The following ZNF131 variants were observed in gnomAD, a reference collection of about 807,000 sequenced individuals.
ZNF131 encodes zinc finger protein 131.
A neutral mutation model predicts 60.0 loss-of-function variants in ZNF131; 7 were observed. The ratio of observed to expected loss-of-function variants is 0.12; its 90% CI spans 0.07 to 0.22. The LOEUF is 0.22. ZNF131 is among the 10% of genes least tolerant of loss of function. The pLI, the probability that ZNF131 is intolerant of heterozygous loss-of-function variation, is 1.00. For synonymous variants in ZNF131, 257 were observed against 253.2 expected (o/e 1.01, Z -0.14); for missense variants, 493 against 740.9 (o/e 0.67, Z 3.88).
chr5:43,164,171 C>G (rs530676804), intron 5 of ZNF131, among the ~76,000 whole-genome samples: 1 of 152,282 alleles, frequency 6.6e-6, no homozygotes, highest in South Asian at 2.1e-4. Context: ...CACTTACATG[C>G]AGATTTCATT....
At position 43,121,023 on chromosome 5, in the gene ZNF131, G is replaced by A. The variant is rs900775391; in HGVS notation, c.-116G>A. Reference sequence around the variant, plus strand: ...AAAATGGAGGGCGACCCACGGGTTAGGGGTCAGGAAAGGCGTGGGGCGCAT... The same window carrying A: ...AAAATGGAGGGCGACCCACGGGTTAAGGGTCAGGAAAGGCGTGGGGCGCAT... On this transcript the variant is annotated 5_prime_UTR_variant, in exon 1 of 7. Transcript: ENST00000682664. 1 of 152,394 alleles carries A rather than the reference G, an allele frequency of 6.6e-6. No individual in the cohort carries two copies. Among genetic ancestry groups the A allele is most frequent in the African/African-American group, 2.4e-5 (1 of 41,478 alleles). The allele number at this position is 152,394 out of a possible 1,614,324, so 9.4% of individuals were successfully genotyped here. A position where few individuals can be genotyped will look rare whatever the true frequency, so the allele number is the denominator to read the frequency against.
intron 3 of ZNF131, among the ~76,000 whole-genome samples, chr5:43,129,888 C>T (rs1745074458): frequency 6.6e-6 from 1 of 151,858 alleles, no homozygotes; most frequent in Non-Finnish European, 1.5e-5. Flanking sequence ...AAACTCCTGA[C>T]CTCGTGATCT....
intron 1 of ZNF131, chr5:43,121,748 T>G (rs918344835): frequency 2.0e-5 from 4 of 203,976 alleles, no homozygotes; most frequent in East Asian, 1.2e-4. Context: ...CCCTCCCTTG[T>G]TGGACTTGCG....
chr5:43,129,802 G>T (rs1005102628), intron 3 of ZNF131, among the ~76,000 whole-genome samples: 2 of 152,026 alleles, frequency 1.3e-5, no homozygotes, highest in Non-Finnish European at 2.9e-5. Context: ...TTACAGGTGC[G>T]TGCCACCACG....
chr5:43,140,909 G>A (rs560835507), intron 4 of ZNF131, among the ~76,000 whole-genome samples: 1 of 152,014 alleles, frequency 6.6e-6, no homozygotes, highest in South Asian at 2.1e-4. Context: ...GTAGAGGTGG[G>A]GATTTCGCCA....
chr5:43,147,448 C>T (rs968163422), intron 4 of ZNF131, among the ~76,000 whole-genome samples: 2 of 151,292 alleles, frequency 1.3e-5, no homozygotes, highest in Non-Finnish European at 2.9e-5. Flanking sequence ...GACGGAGTCT[C>T]GCTCTGTCGC....
rs915261761 is a variant in ZNF131 at position 43,176,114 on chromosome 5, A to G, written c.*981A>G. ...GTTTTGAATGGAATCTTTTCCCCCAATTCTTAATGTAAAGATCTTGTGCTA... is the reference window on the plus strand; with the variant it reads ...GTTTTGAATGGAATCTTTTCCCCCAGTTCTTAATGTAAAGATCTTGTGCTA... On this transcript the variant is annotated 3_prime_UTR_variant, in exon 7 of 7. Transcript: ENST00000682664. The G allele has an allele frequency of 5.9e-5, 9 of 152,368 alleles. No homozygotes were observed. Among genetic ancestry groups the G allele is most frequent in the Admixed American group, 6.5e-5 (1 of 15,302 alleles). The allele number at this position is 152,368 out of a possible 1,614,324, so 9.4% of individuals were successfully genotyped here.
At position 43,175,489 on chromosome 5, in the gene ZNF131, A is replaced by G. The variant is rs1751480214; in HGVS notation, c.*356A>G. The G allele has an allele frequency of 1.4e-6, 1 of 699,264 alleles. No homozygotes were observed. Among genetic ancestry groups the G allele is most frequent in the African/African-American group, 1.8e-5 (1 of 56,988 alleles). 43.3% of individuals were successfully genotyped at this position (699,264 alleles called of 1,614,324 possible). A position where few individuals can be genotyped will look rare whatever the true frequency, so the allele number is the denominator to read the frequency against. ...CTTCCTCAAATTTTTTCCATATTGTAAAATCAAACTTAAATCATTAGAATA... is the reference window on the plus strand; with the variant it reads ...CTTCCTCAAATTTTTTCCATATTGTGAAATCAAACTTAAATCATTAGAATA... On this transcript the variant is annotated 3_prime_UTR_variant, in exon 7 of 7. Transcript: ENST00000682664.
At chr5:43,138,042 CAAAT>C (rs1453032869) in intron 3 of ZNF131, among the ~76,000 whole-genome samples, 6 of 152,116 alleles carry the variant, frequency 3.9e-5, no homozygotes, top group East Asian at 1.9e-4. Context: ...TGAGCTATCT[CAAAT>C]AGATTGAAAG....
chr5:43,165,205 CTTTT>C (rs142657870), intron 5 of ZNF131, among the ~76,000 whole-genome samples: 2 of 137,788 alleles, frequency 1.5e-5, no homozygotes, highest in Admixed American at 7.3e-5. Context: ...CCCTGTATTT[CTTTT>C]TTTTTTTTTT....
At position 43,175,225 on chromosome 5, in the gene ZNF131, A is replaced by T. The variant is rs79883858; in HGVS notation, c.*92A>T. The T allele has an allele frequency of 4.4e-4, 553 of 1,260,530 alleles. 3 individuals are homozygous for T. The African/African-American group carries it at 7.5e-3, about 17-fold the overall frequency. 78.1% of individuals were successfully genotyped at this position (1,260,530 alleles called of 1,614,324 possible). A position where few individuals can be genotyped will look rare whatever the true frequency, so the allele number is the denominator to read the frequency against. ...TGTCCTTAATTAAGCCTAACAGACA[A>T]GTGGACCAAAGTTAAGCTGTTTCCT... is the stretch of plus-strand genomic sequence containing the variant. On this transcript the variant is annotated 3_prime_UTR_variant, in exon 7 of 7. Transcript: ENST00000682664.
In ZNF131 at chr5:43,134,498, C is replaced by T. The variant is rs140065526; in HGVS notation, c.227-4667C>T. On this transcript the variant is annotated intron_variant, in intron 3 of 6. Coordinates refer to ENST00000682664, the MANE Select transcript of ZNF131 (RefSeq NM_001330707.2). ...ACTTCAATATAGTACTGGAAATCCT[C>T]GTTAGAGCAATTAGGCAAGAAAAAG... 2.2e-3 allele frequency among the ~76,000 whole-genome samples: 332 copies of T among 152,050 alleles called. 2 individuals carry two copies. The highest frequency in any genetic ancestry group is 7.5e-3 in the African/African-American group (312 of 41,484).
intron 4 of ZNF131, among the ~76,000 whole-genome samples, chr5:43,150,248 C>G (rs1035094340): frequency 6.6e-6 from 1 of 152,184 alleles, no homozygotes; most frequent in Non-Finnish European, 1.5e-5. Flanking sequence ...AATAAATAAA[C>G]CTACTCTCCA....
At chr5:43,121,156 G>GGGGGCGGGGCAGGAC (rs1367747704) in intron 1 of ZNF131, 33 bp downstream of exon 1, 2 of 153,714 alleles carry the variant, frequency 1.3e-5, no homozygotes, top group Admixed American at 1.3e-4. Flanking sequence ...TCGGAAGGAA[G>GGGGGCGGGGCAGGAC]GGGGCGGGGC....
At chr5:43,144,185 G>C (rs1252666649) in intron 4 of ZNF131, among the ~76,000 whole-genome samples, 2 of 146,818 alleles carry the variant, frequency 1.4e-5, no homozygotes, top group African/African-American at 2.5e-5. Flanking sequence ...GCCTCCCAAA[G>C]TGCTGGGATT....
At position 43,171,813 on chromosome 5, in the gene ZNF131, A is replaced by G. The variant is rs1007929092; in HGVS notation, c.1055-1505A>G. On this transcript the variant is annotated intron_variant, in intron 5 of 6. Transcript: ENST00000682664. Reference sequence around the variant, plus strand: ...TTTTGTATTTTTGGTAGAGTCGGAGATTCGCAGTGTTGGCCAGGCTGGTCT... The same window carrying G: ...TTTTGTATTTTTGGTAGAGTCGGAGGTTCGCAGTGTTGGCCAGGCTGGTCT... Among the ~76,000 whole-genome samples, 4 of 151,926 alleles carry G rather than the reference A, an allele frequency of 2.6e-5. No homozygotes were observed. In the East Asian group the frequency reaches 7.8e-4, roughly 30 times the overall value.
At position 43,143,898 on chromosome 5, in the gene ZNF131, C is replaced by CTT. The variant is rs79246574; in HGVS notation, c.371+4626_371+4627dup. ...TAGGTTCTCTGGAATATTGTCAGAGCTTTTTTTTTTTTTTTTTTTTTTTTT... is the reference window on the plus strand; with the variant it reads ...TAGGTTCTCTGGAATATTGTCAGAGCTTTTTTTTTTTTTTTTTTTTTTTTTTT... On this transcript the variant is annotated intron_variant, in intron 4 of 6. Coordinates refer to ENST00000682664, the MANE Select transcript of ZNF131 (RefSeq NM_001330707.2). 2.4e-3 allele frequency among the ~76,000 whole-genome samples: 85 copies of CTT among 34,994 alleles called. 27 individuals are homozygous for CTT. The highest frequency in any genetic ancestry group is 3.2e-3 in the Non-Finnish European group (64 of 20,168). The allele number at this position is 34,994 out of a possible 152,430, so 23.0% of individuals were successfully genotyped here. A position where few individuals can be genotyped will look rare whatever the true frequency, so the allele number is the denominator to read the frequency against.
chr5:43,127,704 T>A lies in ZNF131; in HGVS notation c.226+4394T>A, dbSNP rs187379517. ...GTTACCTTTGATGAAAACCACAGGTTCATCTTTGACTTCAAATCAGATTTG... is the reference window on the plus strand; with the variant it reads ...GTTACCTTTGATGAAAACCACAGGTACATCTTTGACTTCAAATCAGATTTG... On this transcript the variant is annotated intron_variant, in intron 3 of 6. Coordinates refer to ENST00000682664, the MANE Select transcript of ZNF131 (RefSeq NM_001330707.2). 3.3e-5 allele frequency among the ~76,000 whole-genome samples: 5 copies of A among 152,370 alleles called. No homozygotes were observed. The East Asian group carries it at 9.6e-4, about 29-fold the overall frequency.
chr5:43,160,919 G>T (rs1749612838), intron 4 of ZNF131, among the ~76,000 whole-genome samples: 1 of 152,026 alleles, frequency 6.6e-6, no homozygotes, highest in Admixed American at 6.6e-5. Context: ...AACCTCAGGT[G>T]ATCCACCTGC....
Sources: allele counts gnomAD v4.1 joint callset (sites outside exome capture counted in the v4.1 genomes callset), GRCh38; gene constraint gnomAD v4.1.1; transcripts MANE v1.5; gene names NCBI Gene and HGNC (gene_info 2026-07-23, HGNC 2026-07-21).